YTHDF3: variants seen among roughly 807,000 people sequenced by gnomAD.
YTHDF3 encodes YTH N6-methyladenosine RNA binding protein F3.
Under a neutral mutation model 52.5 loss-of-function variants are expected in YTHDF3, and 9 were observed. That is an observed-to-expected ratio of 0.17 (90% CI 0.10 to 0.30). The LOEUF (loss-of-function observed/expected upper bound fraction) is 0.30. YTHDF3 is among the 10% of genes least tolerant of loss of function. The probability of loss-of-function intolerance (pLI) is 1.00; values close to 1 mark genes in which losing one functional copy is unlikely to be tolerated. For missense variants in YTHDF3, 534 were observed against 715.0 expected, an observed-to-expected ratio of 0.75 and a Z score of 2.89; for synonymous variants, 274 against 243.3, an observed-to-expected ratio of 1.13 and a Z score of -1.18.
intron 2 of YTHDF3, among the ~76,000 whole-genome samples, chr8:63,171,035 T>C (rs1807289402): frequency 6.6e-6 from 1 of 152,194 alleles, no homozygotes; most frequent in East Asian, 1.9e-4. Flanking sequence ...TTTTTATCCA[T>C]CAGTATCGCT....
chr8:63,171,205 G>T (rs760119778), intron 2 of YTHDF3, among the ~76,000 whole-genome samples: 2 of 152,060 alleles, frequency 1.3e-5, no homozygotes, highest in Non-Finnish European at 2.9e-5. Context: ...TTCTAATACT[G>T]CCTTTGGCTA....
In YTHDF3 at chr8:63,180,334, A is replaced by T. The variant is rs562686221; in HGVS notation, c.135+4918A>T. On this transcript the variant is annotated intron_variant, in intron 3 of 4. Coordinates refer to ENST00000539294, the MANE Select transcript of YTHDF3 (RefSeq NM_152758.6). ...AGAGGTGCTCCCCACATCTCAGACG[A>T]TGGGCGGCTGGGCAGAGACGCTCCC... 7.6e-5 allele frequency among the ~76,000 whole-genome samples: 11 copies of T among 144,734 alleles called. 1 individual carries two copies. In the South Asian group the frequency reaches 2.5e-3, roughly 32 times the overall value. 95.0% of individuals were successfully genotyped at this position (144,734 alleles called of 152,430 possible). A position where few individuals can be genotyped will look rare whatever the true frequency, so the allele number is the denominator to read the frequency against.
intron 3 of YTHDF3, among the ~76,000 whole-genome samples, chr8:63,179,732 G>A (rs529303386): frequency 1.3e-5 from 2 of 152,342 alleles, no homozygotes; most frequent in East Asian, 3.9e-4. Context: ...TGAGCCGCTG[G>A]GTACACCTCC....
At chr8:63,169,355 C>T in intron 1 of YTHDF3, 32 bp from the exon 2 acceptor site, 3 of 1,593,412 alleles carry the variant, frequency 1.9e-6, no homozygotes, top group East Asian at 2.2e-5. Flanking sequence ...CCTTTTTCTC[C>T]TCTTTACCGC....
intron 4 of YTHDF3, among the ~76,000 whole-genome samples, chr8:63,201,591 A>G (rs1335620038): frequency 2.6e-5 from 4 of 152,112 alleles, no homozygotes; most frequent in Non-Finnish European, 5.9e-5. Flanking sequence ...TTGCACTCCA[A>G]TTTCTGAGTG....
At chr8:63,181,527 A>G (rs1808136726) in intron 3 of YTHDF3, among the ~76,000 whole-genome samples, 2 of 152,138 alleles carry the variant, frequency 1.3e-5, no homozygotes, top group Admixed American at 1.3e-4. Context: ...TTCTTTCACG[A>G]TCTCAATTTT....
At chr8:63,169,239 G>A (rs1807108998) in intron 1 of YTHDF3, 148 bp from the exon 2 acceptor site, 1 of 1,304,444 alleles carries the variant, frequency 7.7e-7, no homozygotes, top group Non-Finnish European at 1.0e-6. Flanking sequence ...GGGTGGTTGG[G>A]AAATTGGTGG....
At chr8:63,184,218 C>T (rs1808351792) in intron 3 of YTHDF3, among the ~76,000 whole-genome samples, 1 of 152,200 alleles carries the variant, frequency 6.6e-6, no homozygotes, top group African/African-American at 2.4e-5. Context: ...CCAACATAGT[C>T]TGTCAAGGAC....
rs1202145768 is a variant in YTHDF3, at chr8:63,212,494, TA to T, written c.*2793del. On this transcript the variant is annotated 3_prime_UTR_variant, in exon 5 of 5. Coordinates refer to ENST00000539294, the MANE Select transcript of YTHDF3 (RefSeq NM_152758.6). ...CATTTCAAGTGCATTCTGCATCCTT[TA>T]AAAATAAGTTTAAGAAATTTAAGAG... is the stretch of plus-strand genomic sequence containing the variant. The T allele has an allele frequency of 1.3e-5, 2 of 152,654 alleles. No individual in the cohort carries two copies. The highest frequency in any genetic ancestry group is 4.8e-5 in the African/African-American group (2 of 41,460). 9.5% of individuals were successfully genotyped at this position (152,654 alleles called of 1,614,324 possible).
intron 4 of YTHDF3, among the ~76,000 whole-genome samples, chr8:63,196,079 C>T (rs954019204): frequency 6.6e-6 from 1 of 151,996 alleles, no homozygotes; most frequent in Admixed American, 6.6e-5. Context: ...AGGCATGAAT[C>T]ACCACACCTG....
At chr8:63,178,534 A>G (rs1269675859) in intron 3 of YTHDF3, among the ~76,000 whole-genome samples, 1 of 152,200 alleles carries the variant, frequency 6.6e-6, no homozygotes, top group African/African-American at 2.4e-5. Context: ...TTAACTCATG[A>G]TATTTGGAAT....
chr8:63,172,685 T>A (rs1332776546), intron 2 of YTHDF3: 2 of 984,002 alleles, frequency 2.0e-6, no homozygotes, highest in Non-Finnish European at 2.6e-6. Flanking sequence ...TCTGTTGACT[T>A]TCCTAACTTG....
At chr8:63,202,970 G>A (rs533006659) in intron 4 of YTHDF3, among the ~76,000 whole-genome samples, 39 of 152,164 alleles carry the variant, frequency 2.6e-4, no homozygotes, top group African/African-American at 7.9e-4. Flanking sequence ...TGCTGGGCAC[G>A]GTGGCTCGTG....
chr8:63,208,211 T>C (rs746332792), intron 4 of YTHDF3, among the ~76,000 whole-genome samples: 1 of 152,172 alleles, frequency 6.6e-6, no homozygotes, highest in Non-Finnish European at 1.5e-5. Context: ...TTTGTTAGCT[T>C]TATGTATGAA....
intron 3 of YTHDF3, 193 bp downstream of exon 3, chr8:63,175,609 C>A: frequency 2.1e-6 from 1 of 478,214 alleles, no homozygotes; most frequent in Non-Finnish European, 3.8e-6. Flanking sequence ...AAAGTATAGG[C>A]ACCAGAAACT....
At chr8:63,177,927 T>A (rs188340661) in intron 3 of YTHDF3, among the ~76,000 whole-genome samples, 3 of 152,122 alleles carry the variant, frequency 2.0e-5, no homozygotes, top group Non-Finnish European at 4.4e-5. Flanking sequence ...CTGGCTAATT[T>A]TTATATTTTT....
intron 4 of YTHDF3, among the ~76,000 whole-genome samples, chr8:63,196,995 A>G (rs1809282727): frequency 6.6e-6 from 1 of 152,196 alleles, no homozygotes; most frequent in Non-Finnish European, 1.5e-5. Flanking sequence ...TTGTTTATAG[A>G]GGATCAGAAC....
intron 4 of YTHDF3, among the ~76,000 whole-genome samples, chr8:63,205,600 A>G (rs1809975857): frequency 1.3e-5 from 2 of 151,506 alleles, no homozygotes; most frequent in Admixed American, 1.3e-4. Flanking sequence ...TGCCTGGCTG[A>G]TTTTTGTATT....
chr8:63,189,512 A>C (rs1187037047), intron 4 of YTHDF3, among the ~76,000 whole-genome samples: 9 of 152,236 alleles, frequency 5.9e-5, no homozygotes, highest in Admixed American at 5.9e-4. Flanking sequence ...GTAGAAATTA[A>C]GATAAAGAGG....
Sources: allele counts gnomAD v4.1 joint callset (sites outside exome capture counted in the v4.1 genomes callset), GRCh38; gene constraint gnomAD v4.1.1; transcripts MANE v1.5; gene names NCBI Gene and HGNC (gene_info 2026-07-23, HGNC 2026-07-21).